C3orf70: variants seen among roughly 807,000 people sequenced by gnomAD.
C3orf70 encodes chromosome 3 open reading frame 70, also known as UPF0524 protein C3orf70.
Under a neutral mutation model 20.7 loss-of-function variants are expected in C3orf70, and 15 were observed. That is an observed-to-expected ratio of 0.72 (90% CI 0.48 to 1.11). The LOEUF (loss-of-function observed/expected upper bound fraction) is 1.11, where lower values mean the gene tolerates loss of function less well. Ranked by LOEUF, C3orf70 falls within the 50% of genes most tolerant of loss-of-function variation. C3orf70 has a pLI of 0.00. For synonymous variants in C3orf70, 161 were observed against 125.7 expected, an observed-to-expected ratio of 1.28 and a Z score of -1.88; for missense variants, 332 against 317.6, an observed-to-expected ratio of 1.05 and a Z score of -0.34.
At chr3:185,123,661 A>C (rs570412900) in intron 1 of C3orf70, among the ~76,000 whole-genome samples, 16 of 152,096 alleles carry the variant, frequency 1.1e-4, no homozygotes, top group African/African-American at 3.4e-4. Context: ...TTCTTTATGA[A>C]TATGGTTTGT....
rs1715284515 is a variant in C3orf70, at chr3:185,079,501, T to G, written c.*3506A>C. 6.6e-6 allele frequency: 1 copy of G among 152,080 alleles called. No individual in the cohort carries two copies. The highest frequency in any genetic ancestry group is 2.4e-5 in the African/African-American group (1 of 41,406). The allele number at this position is 152,080 out of a possible 1,614,324, so 9.4% of individuals were successfully genotyped here. On this transcript the variant is annotated 3_prime_UTR_variant, in exon 2 of 2. Transcript: ENST00000335012. ...AGATTCTTATTTCATATCTTAAAAA[T>G]GACATAGTAAAAAAGACCTAGATGT...
At position 185,125,768 on chromosome 3, in the gene C3orf70, C is replaced by T. The variant is rs1577330093; in HGVS notation, c.196+26860G>A. 1.3e-5 allele frequency among the ~76,000 whole-genome samples: 2 copies of T among 152,204 alleles called. 1 individual carries two copies. The highest frequency in any genetic ancestry group is 4.2e-4 in the South Asian group (2 of 4,810). ...CTACACGATTCCATTTATATAACAT[C>T]CTGGAATATTATAAAAAGTATAATA... is the stretch of plus-strand genomic sequence containing the variant. On this transcript the variant is annotated intron_variant, in intron 1 of 1. Coordinates refer to ENST00000335012, the MANE Select transcript of C3orf70 (RefSeq NM_001025266.3).
At chr3:185,124,632 G>A (rs13061804) in intron 1 of C3orf70, among the ~76,000 whole-genome samples, 148,811 of 152,264 alleles carry the variant, frequency 0.98, 72,763 homozygotes, top group African/African-American at 1. Flanking sequence ...GATGAGGCAA[G>A]TCATTCTTAA....
intron 1 of C3orf70, among the ~76,000 whole-genome samples, chr3:185,129,087 A>G (rs1430310429): frequency 6.6e-6 from 1 of 152,214 alleles, no homozygotes; most frequent in Non-Finnish European, 1.5e-5. Flanking sequence ...ATACTATTAA[A>G]TACATTAGAC....
rs1013535544 is a variant in C3orf70, at chr3:185,081,876, C to T, written c.*1131G>A. 1 of 152,644 alleles carries T rather than the reference C, an allele frequency of 6.6e-6. No homozygotes were observed. The highest frequency in any genetic ancestry group is 1.5e-5 in the Non-Finnish European group (1 of 68,040). 9.5% of individuals were successfully genotyped at this position (152,644 alleles called of 1,614,324 possible). A position where few individuals can be genotyped will look rare whatever the true frequency, so the allele number is the denominator to read the frequency against. ...CATCACACTGAATTCTAATCCATTC[C>T]TCACTTAAACCATACGAATGCTTCA... On this transcript the variant is annotated 3_prime_UTR_variant, in exon 2 of 2. Transcript: ENST00000335012.
In C3orf70 at chr3:185,082,962, A is replaced by AT; in HGVS notation, c.*44_*45insA. On this transcript the variant is annotated 3_prime_UTR_variant, in exon 2 of 2. Coordinates refer to ENST00000335012, the MANE Select transcript of C3orf70 (RefSeq NM_001025266.3). ...AAAAGGATCCACCAGACAAAGGTAC[A>AT]AAAGCTCGGCGTGGGTCCGAGGCTG... The AT allele has an allele frequency of 6.4e-7, 1 of 1,569,414 alleles. No individual in the cohort carries two copies. The highest frequency in any genetic ancestry group is 8.6e-7 in the Non-Finnish European group (1 of 1,157,110).
At chr3:185,136,122 T>C (rs1207271421) in intron 1 of C3orf70, among the ~76,000 whole-genome samples, 1 of 152,044 alleles carries the variant, frequency 6.6e-6, no homozygotes, top group Admixed American at 6.5e-5. Context: ...AAAAGATACA[T>C]CATGGGAACA....
chr3:185,087,429 T>C (rs1307904635), intron 1 of C3orf70, among the ~76,000 whole-genome samples: 1 of 152,204 alleles, frequency 6.6e-6, no homozygotes, highest in East Asian at 1.9e-4. Context: ...CAAGTGTCCA[T>C]GATGGATGAA....
intron 1 of C3orf70, among the ~76,000 whole-genome samples, chr3:185,126,660 A>G (rs992228712): frequency 5.9e-5 from 9 of 152,240 alleles, no homozygotes; most frequent in African/African-American, 1.9e-4. Flanking sequence ...TACATTAATG[A>G]CATGGGTTTC....
chr3:185,145,061 T>G (rs926991386), intron 1 of C3orf70, among the ~76,000 whole-genome samples: 4 of 152,366 alleles, frequency 2.6e-5, no homozygotes, highest in African/African-American at 4.8e-5. Context: ...ATTCTATGTG[T>G]ATACGATTCC....
chr3:185,105,780 G>A (rs1032421477), intron 1 of C3orf70, among the ~76,000 whole-genome samples: 1 of 152,202 alleles, frequency 6.6e-6, no homozygotes, highest in Non-Finnish European at 1.5e-5. Context: ...TGGAGAATGT[G>A]GAACTAGCTG....
intron 1 of C3orf70, among the ~76,000 whole-genome samples, chr3:185,092,811 T>G (rs575196382): frequency 6.6e-6 from 1 of 151,750 alleles, no homozygotes; most frequent in Admixed American, 6.5e-5. Context: ...GCCAACATGG[T>G]GAAACCCCGT....
At chr3:185,128,823 T>C (rs984633485) in intron 1 of C3orf70, among the ~76,000 whole-genome samples, 2 of 152,188 alleles carry the variant, frequency 1.3e-5, no homozygotes, top group African/African-American at 4.8e-5. Flanking sequence ...TCGCATAATT[T>C]GAAAAACTAT....
chr3:185,091,947 ATATATATATATATATATT>A (rs1408092222), intron 1 of C3orf70, among the ~76,000 whole-genome samples: 15 of 14,114 alleles, frequency 1.1e-3, no homozygotes, highest in Non-Finnish European at 1.4e-3. Flanking sequence ...ATATATATAT[ATATATATATATATATATT>A]TTTTTTTTTT....
At chr3:185,147,735 G>A (rs759462284) in intron 1 of C3orf70, among the ~76,000 whole-genome samples, 2 of 152,216 alleles carry the variant, frequency 1.3e-5, no homozygotes, top group Non-Finnish European at 2.9e-5. Context: ...ACAATTGTCT[G>A]TGTCCTAATT....
At chr3:185,130,216 C>T (rs1002978608) in intron 1 of C3orf70, among the ~76,000 whole-genome samples, 3 of 152,032 alleles carry the variant, frequency 2.0e-5, no homozygotes, top group East Asian at 1.9e-4. Context: ...TTTGGGAGGC[C>T]GAGGCGGGCG....
intron 1 of C3orf70, among the ~76,000 whole-genome samples, chr3:185,146,124 A>G (rs1310358389): frequency 6.6e-6 from 1 of 151,952 alleles, no homozygotes; most frequent in Non-Finnish European, 1.5e-5. Context: ...CTCTGGAAGA[A>G]CCTATCAGCT....
In C3orf70 at chr3:185,094,073, GGT is replaced by G. The variant is rs1491273281; in HGVS notation, c.197-10512_197-10511del. Among the ~76,000 whole-genome samples the G allele has an allele frequency of 1.2e-4, 13 of 112,878 alleles. No individual in the cohort carries two copies. In the East Asian group the frequency reaches 2.5e-3, roughly 21 times the overall value. The allele number at this position is 112,878 out of a possible 152,430, so 74.1% of individuals were successfully genotyped here. On this transcript the variant is annotated intron_variant, in intron 1 of 1. Coordinates refer to ENST00000335012, the MANE Select transcript of C3orf70 (RefSeq NM_001025266.3). ...TGGTTTGTAATGAGTTATACCCTGG[GGT>G]TTTTTTTTTTTTTTTTTTTTTTGAG...
intron 1 of C3orf70, among the ~76,000 whole-genome samples, chr3:185,126,356 G>C (rs184964559): frequency 6.6e-6 from 1 of 152,112 alleles, no homozygotes; most frequent in Non-Finnish European, 1.5e-5. Flanking sequence ...AGAAGTTGTT[G>C]CAAGATGATA....
Sources: gnomAD v4.1 joint callset for allele counts (sites outside exome capture counted in the v4.1 genomes callset) on GRCh38, gnomAD v4.1.1 for gene constraint, MANE v1.5 for transcripts, NCBI Gene and HGNC (gene_info 2026-07-23, HGNC 2026-07-21) for gene names.